PIEZO2: variants seen among roughly 807,000 people sequenced by gnomAD.
PIEZO2 encodes piezo-type mechanosensitive ion channel component 2.
A neutral mutation model predicts 337.3 loss-of-function variants in PIEZO2; 172 were observed. The ratio of observed to expected loss-of-function variants is 0.51; its 90% CI spans 0.45 to 0.58. The LOEUF is 0.58. Among genes scored for constraint, PIEZO2 ranks in the 20% least tolerant of loss-of-function variants. The probability of loss-of-function intolerance (pLI) is 0.00; values close to 1 mark genes in which losing one functional copy is unlikely to be tolerated. For synonymous variants in PIEZO2, 1,251 were observed against 1,228.5 expected (o/e 1.02, Z -0.38); for missense variants, 3,028 against 3,391.3 (o/e 0.89, Z 2.66).
chr18:10,919,407 C>T (rs1019858200), intron 3 of PIEZO2, among the ~76,000 whole-genome samples: 1 of 152,096 alleles, frequency 6.6e-6, no homozygotes, highest in Non-Finnish European at 1.5e-5. Context: ...CCAGTAAGTG[C>T]AAACAAATAT....
At chr18:10,949,344 A>G (rs2033177353) in intron 3 of PIEZO2, among the ~76,000 whole-genome samples, 2 of 152,222 alleles carry the variant, frequency 1.3e-5, no homozygotes. Flanking sequence ...AACAAATTAT[A>G]TTAAAGCAAC....
intron 36 of PIEZO2, 150 bp from the exon 37 acceptor site, chr18:10,718,409 A>G: frequency 1.5e-6 from 1 of 682,450 alleles, no homozygotes. Context: ...TAGAATTCAT[A>G]GCTCTTAGAT....
chr18:11,013,658 T>G (rs1169600824), intron 2 of PIEZO2, among the ~76,000 whole-genome samples: 3 of 152,204 alleles, frequency 2.0e-5, no homozygotes, highest in Non-Finnish European at 2.9e-5. Context: ...AGCATTCCTG[T>G]GCTCACTCCC....
rs2038628688 is a variant in PIEZO2, at chr18:11,078,492, CT to C, written c.65-12271del. 6.6e-6 allele frequency among the ~76,000 whole-genome samples: 1 copy of C among 152,188 alleles called. No homozygotes were observed. Among genetic ancestry groups the C allele is most frequent in the African/African-American group, 2.4e-5 (1 of 41,448 alleles). On this transcript the variant is annotated intron_variant, in intron 1 of 55. Coordinates refer to ENST00000674853, the MANE Select transcript of PIEZO2 (RefSeq NM_001378183.1). The surrounding 1 kb of genome is among the most constrained non-coding windows in gnomAD (Gnocchi z 5.3). Reference sequence around the variant, plus strand: ...TACAGCCGTAAATTGATTAAAATTACTGTTTTATCTTGATGAATTTACTTTG... The same window carrying C: ...TACAGCCGTAAATTGATTAAAATTACGTTTTATCTTGATGAATTTACTTTG...
chr18:10,996,735 T>C (rs1489880584), intron 2 of PIEZO2, among the ~76,000 whole-genome samples: 3 of 152,188 alleles, frequency 2.0e-5, no homozygotes, highest in African/African-American at 7.2e-5. Context: ...CCTATTTGGG[T>C]TGTTTATACA....
intron 3 of PIEZO2, among the ~76,000 whole-genome samples, chr18:10,955,163 G>A (rs1322673679): frequency 2.0e-5 from 3 of 152,124 alleles, no homozygotes; most frequent in Non-Finnish European, 4.4e-5. Flanking sequence ...ATTTTGTGCT[G>A]GAATTGAAAT....
At position 10,760,896 on chromosome 18, in the gene PIEZO2, A is replaced by C; in HGVS notation, c.3450+15T>G. ...ATGGAAAAGAGAAATAAAACATATC[A>C]GCAAGGAAACTCACCTCCAGACCAA... On this transcript the variant is annotated intron_variant, in intron 24 of 55. Transcript: ENST00000674853. The C allele has an allele frequency of 1.3e-6, 2 of 1,509,496 alleles. No individual in the cohort carries two copies. Among genetic ancestry groups the C allele is most frequent in the Non-Finnish European group, 1.8e-6 (2 of 1,124,652 alleles). The allele number at this position is 1,509,496 out of a possible 1,614,324, so 93.5% of individuals were successfully genotyped here. A position where few individuals can be genotyped will look rare whatever the true frequency, so the allele number is the denominator to read the frequency against.
intron 3 of PIEZO2, among the ~76,000 whole-genome samples, chr18:10,974,085 C>A (rs2034345036): frequency 6.6e-6 from 1 of 152,136 alleles, no homozygotes; most frequent in Non-Finnish European, 1.5e-5. Context: ...AGAGTATACA[C>A]AGCAGTGGCT....
At chr18:10,782,705 C>T (rs896835490) in intron 17 of PIEZO2, among the ~76,000 whole-genome samples, 5 of 151,284 alleles carry the variant, frequency 3.3e-5, no homozygotes, top group African/African-American at 9.7e-5. Flanking sequence ...GGACTCATAT[C>T]GGTACAGATC....
intron 3 of PIEZO2, among the ~76,000 whole-genome samples, chr18:10,941,972 T>C (rs535588451): frequency 6.6e-6 from 1 of 152,272 alleles, no homozygotes; most frequent in East Asian, 1.9e-4. Flanking sequence ...TCACGAGATC[T>C]GATGGTTTTA....
intron 1 of PIEZO2, among the ~76,000 whole-genome samples, chr18:11,081,536 A>G (rs528188195): frequency 1.6e-4 from 24 of 152,274 alleles, no homozygotes; most frequent in African/African-American, 5.3e-4. Context: ...TAACTAACAC[A>G]TGGGATGCAT....
chr18:11,095,070 C>T (rs1272091775), intron 1 of PIEZO2, among the ~76,000 whole-genome samples: 2 of 152,238 alleles, frequency 1.3e-5, no homozygotes, highest in African/African-American at 4.8e-5. Flanking sequence ...GGCTCTCATT[C>T]CTGCCAGGGA....
intron 41 of PIEZO2, 148 bp from the exon 42 acceptor site, chr18:10,704,800 T>TCA (rs1328841679): frequency 1.4e-5 from 14 of 969,116 alleles, no homozygotes; most frequent in Middle Eastern, 6.6e-4. Flanking sequence ...TTCTCCTGCT[T>TCA]CAGCCTCCTG....
chr18:10,935,821 C>T (rs946638174), intron 3 of PIEZO2, among the ~76,000 whole-genome samples: 2 of 152,208 alleles, frequency 1.3e-5, no homozygotes, highest in Non-Finnish European at 2.9e-5. Flanking sequence ...CCAGCAGCAA[C>T]GCTCCGGCAG....
At chr18:10,804,906 C>T (rs1174274357) in intron 8 of PIEZO2, among the ~76,000 whole-genome samples, 2 of 152,202 alleles carry the variant, frequency 1.3e-5, no homozygotes, top group Non-Finnish European at 2.9e-5. Flanking sequence ...ATAGAGCCCA[C>T]ATGAAATGTT....
intron 3 of PIEZO2, among the ~76,000 whole-genome samples, chr18:10,972,357 G>A (rs1039369467): frequency 6.6e-6 from 1 of 152,066 alleles, no homozygotes; most frequent in African/African-American, 2.4e-5. Context: ...CCTCTGAGCT[G>A]CAGGTCATGG....
At chr18:10,744,720 T>A (rs1381251228) in intron 30 of PIEZO2, among the ~76,000 whole-genome samples, 2 of 152,212 alleles carry the variant, frequency 1.3e-5, no homozygotes, top group Non-Finnish European at 2.9e-5. Flanking sequence ...TCTAGTCTCT[T>A]GTCCCTGATT....
chr18:11,010,946 T>C (rs1039391935), intron 2 of PIEZO2, among the ~76,000 whole-genome samples: 3 of 152,234 alleles, frequency 2.0e-5, no homozygotes, highest in African/African-American at 7.2e-5. Flanking sequence ...AATGTTAGAT[T>C]AGTTTTTCAA....
chr18:10,953,189 T>C lies in PIEZO2; in HGVS notation c.286+26346A>G, dbSNP rs2033373834. ...TAAATACTTTATTCCAATTTGTGGC[T>C]TGCCTTTTTATTGTATTAACACTGG... On this transcript the variant is annotated intron_variant, in intron 3 of 55. Transcript: ENST00000674853. The surrounding 1 kb of genome is among the most constrained non-coding windows in gnomAD (Gnocchi z 5.2). Among the ~76,000 whole-genome samples the C allele has an allele frequency of 1.3e-5, 2 of 152,182 alleles. No homozygotes were observed. Among genetic ancestry groups the C allele is most frequent in the Non-Finnish European group, 2.9e-5 (2 of 68,030 alleles).
Sources: gnomAD v4.1 joint callset for allele counts (sites outside exome capture counted in the v4.1 genomes callset) on GRCh38, gnomAD v4.1.1 for gene constraint, Gnocchi (gnomAD v3.1) non-coding constraint, MANE v1.5 for transcripts, NCBI Gene and HGNC (gene_info 2026-07-23, HGNC 2026-07-21) for gene names.